The following ABCC8 variants were observed in gnomAD, a reference collection of about 807,000 sequenced individuals.
ABCC8 encodes the protein ATP-binding cassette sub-family C member 8.
Under a neutral mutation model 188.0 loss-of-function variants are expected in ABCC8, and 137 were observed. The ratio of observed to expected loss-of-function variants is 0.73; its 90% CI spans 0.63 to 0.84. The LOEUF (loss-of-function observed/expected upper bound fraction) is 0.84. ABCC8 is among the 40% of genes least tolerant of loss of function. ABCC8 has a pLI of 0.00. For missense variants in ABCC8, 1,750 were observed against 2,072.7 expected (o/e 0.84, Z 3.02); for synonymous variants, 797 against 846.5 (o/e 0.94, Z 1.01).
At chr11:17,467,156 C>A (rs7120682) in intron 3 of ABCC8, among the ~76,000 whole-genome samples, 14 of 150,004 alleles carry the variant, frequency 9.3e-5, no homozygotes, top group Admixed American at 2.0e-4. Flanking sequence ...CGGTGGCTCA[C>A]GGCTGTAATC....
chr11:17,432,067 C>T (rs1028294532), intron 11 of ABCC8, 137 bp downstream of exon 11: 12 of 1,229,926 alleles, frequency 9.8e-6, no homozygotes, highest in East Asian at 5.1e-5. Flanking sequence ...TATAAACTTT[C>T]GATCCTATTT....
At chr11:17,454,701 C>A (rs1464377031) in intron 6 of ABCC8, among the ~76,000 whole-genome samples, 2 of 152,056 alleles carry the variant, frequency 1.3e-5, no homozygotes, top group East Asian at 3.9e-4. Flanking sequence ...CATTATTAGC[C>A]CCATTTCATA....
Position 17,460,434 on chromosome 11 carries a change from A to T in ABCC8, c.1011+54T>A. The T allele has an allele frequency of 5.6e-6, 9 of 1,612,550 alleles. No homozygotes were observed. In the South Asian group the frequency reaches 6.6e-5, roughly 12 times the overall value. Reference sequence around the variant, plus strand: ...ACACATTGGCCTGTTGCACTCTCAGAAACAACTGAAAACCATCTAGAGGGT... The same window carrying T: ...ACACATTGGCCTGTTGCACTCTCAGTAACAACTGAAAACCATCTAGAGGGT... On this transcript the variant is annotated intron_variant, in intron 6 of 38. Coordinates refer to ENST00000389817, the MANE Select transcript of ABCC8 (RefSeq NM_000352.6).
chr11:17,411,257 C>T (rs1208338733), intron 21 of ABCC8, among the ~76,000 whole-genome samples: 2 of 152,236 alleles, frequency 1.3e-5, no homozygotes, highest in African/African-American at 4.8e-5. Context: ...ATGGCACTCC[C>T]AAGAACTGAG....
chr11:17,417,108 A>G (rs1340726587), intron 16 of ABCC8, 146 bp from the exon 17 acceptor site: 3 of 1,530,136 alleles, frequency 2.0e-6, no homozygotes, highest in Admixed American at 3.9e-5. Flanking sequence ...CTGTGGGGTC[A>G]GAAAGCACTC....
At chr11:17,399,275 C>CAAACAAAAA (rs1954105596) in intron 29 of ABCC8, among the ~76,000 whole-genome samples, 1 of 58,548 alleles carries the variant, frequency 1.7e-5, no homozygotes, top group Non-Finnish European at 2.8e-5. Context: ...GACTCTGCCT[C>CAAACAAAAA]AAAAAAAAAA....
At position 17,476,761 on chromosome 11, in the gene ABCC8, A is replaced by G. The variant is rs1848810190; in HGVS notation, c.16T>C (p.Cys6Arg). 6.3e-7 allele frequency: 1 copy of G among 1,585,536 alleles called. No individual in the cohort carries two copies. Among genetic ancestry groups the G allele is most frequent in the Admixed American group, 1.8e-5 (1 of 55,996 alleles). The change falls in exon 1 of 39, where the codon TGC becomes CGC. Residue 6 changes from cysteine (C) to arginine (R), a missense_variant. By Grantham distance (180) the Cys-to-Arg change is radical. Coordinates refer to ENST00000389817, the MANE Select transcript of ABCC8 (RefSeq NM_000352.6). MPLAF[C>R]GSENHSAAYR... ...GCGGCCGAGTGGTTCTCGCTGCCGC[A>G]GAAGGCCAGGGGCATGGCGGCGCGG... is the stretch of plus-strand genomic sequence containing the variant.
chr11:17,444,326 C>G lies in ABCC8; in HGVS notation c.1333-1014G>C, dbSNP rs1279308490. Reference sequence around the variant, plus strand: ...TGCAGCATCACCCTCCTGGACTTATCTCTGGCATCCAGTCCTTCATTAGTT... The same window carrying G: ...TGCAGCATCACCCTCCTGGACTTATGTCTGGCATCCAGTCCTTCATTAGTT... On this transcript the variant is annotated intron_variant, in intron 8 of 38. Transcript: ENST00000389817. The G allele has an allele frequency of 2.0e-5, 3 of 152,272 alleles. No individual in the cohort carries two copies. Among genetic ancestry groups the G allele is most frequent in the Non-Finnish European group, 4.4e-5 (3 of 68,070 alleles). 9.4% of individuals were successfully genotyped at this position (152,272 alleles called of 1,614,324 possible).
intron 7 of ABCC8, among the ~76,000 whole-genome samples, chr11:17,450,407 T>TTG: frequency 6.8e-6 from 1 of 146,394 alleles, no homozygotes; most frequent in African/African-American, 2.5e-5. Flanking sequence ...TCTTTCCTTT[T>TTG]TTTTTTTTTC....
rs371034224 is a variant in ABCC8, at chr11:17,435,523, G to A, written c.1631-3279C>T. ...CCTTTTCCACTCTTATGGTCTACAA[G>A]GTACTCTACTGCTCCAAGGGGATCT... is the stretch of plus-strand genomic sequence containing the variant. On this transcript the variant is annotated intron_variant, in intron 10 of 38. Transcript: ENST00000389817. 70 of 1,090,268 alleles carry A rather than the reference G, an allele frequency of 6.4e-5. No individual in the cohort carries two copies. The African/African-American group carries it at 9.5e-4, about 15-fold the overall frequency. The allele number at this position is 1,090,268 out of a possible 1,614,324, so 67.5% of individuals were successfully genotyped here. A position where few individuals can be genotyped will look rare whatever the true frequency, so the allele number is the denominator to read the frequency against.
intron 8 of ABCC8, among the ~76,000 whole-genome samples, chr11:17,445,295 T>C (rs1428930979): frequency 6.6e-6 from 1 of 152,220 alleles, no homozygotes; most frequent in Non-Finnish European, 1.5e-5. Flanking sequence ...CAAAAGTATG[T>C]GTAGATAAAC....
At chr11:17,408,355 CA>C (rs1374921406) in intron 23 of ABCC8, 36 bp downstream of exon 23, 2 of 1,589,184 alleles carry the variant, frequency 1.3e-6, no homozygotes. Context: ...CCTTTGCATC[CA>C]GGGGTGGCTG....
rs749880359 is a variant in ABCC8 at position 17,406,693 on chromosome 11, C to T, written c.3258G>A (p.Glu1086=). The T allele has an allele frequency of 6.2e-7, 1 of 1,614,254 alleles. No individual in the cohort carries two copies. Among genetic ancestry groups the T allele is most frequent in the Non-Finnish European group, 8.5e-7 (1 of 1,180,048 alleles). The part of the protein sequence containing the change: ...VLCLVTSVTV[E]WTGLKVAKRL... The stretch of plus-strand genomic sequence containing the variant: ...TCTTGGCCACCTTCAGCCCTGTCCA[C>T]TCCACAGTGACAGACGTGACGAGGC... The change falls in exon 26 of 39, where the codon GAG becomes GAA. Residue 1086 remains glutamate (E), a synonymous_variant. Coordinates refer to ENST00000389817, the MANE Select transcript of ABCC8 (RefSeq NM_000352.6).
intron 4 of ABCC8, 137 bp from the exon 5 acceptor site, chr11:17,461,962 T>C: frequency 7.0e-7 from 1 of 1,438,140 alleles, no homozygotes; most frequent in Admixed American, 2.4e-5. Context: ...CCTGTAATTA[T>C]TACCAGGAAA....
rs1212518908 is a variant in ABCC8 at position 17,430,868 on chromosome 11, G to T, written c.1763C>A (p.Thr588Lys). 1 of 1,614,258 alleles carries T rather than the reference G, an allele frequency of 6.2e-7. No homozygotes were observed. ...ASLSLFHILVTPLFLLSSVVR... is the reference protein window; with the variant it reads ...ASLSLFHILVKPLFLLSSVVR... ...CACACTGGACAGCAGGAACAGCGGT[G>T]TGACCAAGATATGGAAGAGGGAGAG... The change falls in exon 12 of 39, where the codon ACA becomes AAA. Residue 588 changes from threonine (T) to lysine (K), a missense_variant. Transcript: ENST00000389817.
Position 17,463,510 on chromosome 11 carries a change from G to T in ABCC8, c.507C>A (p.Phe169Leu). ...DHAIGFSQLR[F>L]CLTGLLVILY... ...GGATCACCAGCAGCCCTGTGAGGCAGAAGCGTAGCTGCGAGAAGCCGATGG... is the reference window on the plus strand; with the variant it reads ...GGATCACCAGCAGCCCTGTGAGGCATAAGCGTAGCTGCGAGAAGCCGATGG... The change falls in exon 4 of 39, where the codon TTC becomes TTA. Residue 169 changes from phenylalanine to leucine, a missense_variant. Physicochemically the swap from Phe to Leu is conservative, Grantham distance 22 (BLOSUM62 0). Transcript: ENST00000389817. 6.2e-7 allele frequency: 1 copy of T among 1,602,186 alleles called. No individual in the cohort carries two copies. The highest frequency in any genetic ancestry group is 1.7e-5 in the Admixed American group (1 of 58,112).
At position 17,439,783 on chromosome 11, in the gene ABCC8, G is replaced by A. The variant is rs373193798; in HGVS notation, c.1630+2937C>T. ...TTCTCTCCCTAGGTGACTTGGACAC[G>A]TGAGGAGTCCTGGGCGGGCTCCTGC... On this transcript the variant is annotated intron_variant, in intron 10 of 38. Transcript: ENST00000389817. Among the ~76,000 whole-genome samples the A allele has an allele frequency of 8.0e-4, 122 of 152,242 alleles. 1 individual carries two copies. Among genetic ancestry groups the A allele is most frequent in the South Asian group, 7.7e-3 (37 of 4,828 alleles).
chr11:17,406,340 G>A (rs1262165293), intron 26 of ABCC8: 1 of 492,248 alleles, frequency 2.0e-6, no homozygotes, highest in Non-Finnish European at 3.7e-6. Flanking sequence ...TTAGGGAGGA[G>A]AAAACAATCT....
intron 6 of ABCC8, among the ~76,000 whole-genome samples, chr11:17,458,103 A>G (rs1198935083): frequency 6.6e-6 from 1 of 152,212 alleles, no homozygotes; most frequent in Admixed American, 6.5e-5. Flanking sequence ...CATCCCAGGC[A>G]ACCACATGAT....
Sources: gnomAD v4.1 joint callset for allele counts (sites outside exome capture counted in the v4.1 genomes callset) on GRCh38, gnomAD v4.1.1 for gene constraint, MANE v1.5 for transcripts, NCBI Gene and HGNC (gene_info 2026-07-23, HGNC 2026-07-21) for gene names.